The following GALK2 variants were observed in gnomAD, a reference collection of about 807,000 sequenced individuals.
GALK2 encodes N-acetylgalactosamine kinase.
GALK2 carries 36 observed loss-of-function variants against 52.4 expected under a neutral mutation model. That is an observed-to-expected ratio of 0.69 (90% CI 0.53 to 0.91). The LOEUF is 0.91. Among genes scored for constraint, GALK2 ranks in the 40% least tolerant of loss-of-function variants. GALK2 has a pLI of 0.00. For synonymous variants in GALK2, 176 were observed against 199.1 expected (o/e 0.88, Z 0.98); for missense variants, 579 against 559.1 (o/e 1.04, Z -0.36).
intron 5 of GALK2, among the ~76,000 whole-genome samples, chr15:49,279,719 C>G (rs1010039457): frequency 6.6e-6 from 1 of 152,176 alleles, no homozygotes; most frequent in Non-Finnish European, 1.5e-5. Context: ...CCCAGGGTCA[C>G]AGTTAGTTGG....
intron 1 of GALK2, among the ~76,000 whole-genome samples, chr15:49,188,851 G>A (rs918908826): frequency 3.3e-5 from 5 of 152,108 alleles, no homozygotes; most frequent in African/African-American, 1.2e-4. Context: ...CCTGAATTGG[G>A]CAGCATGTAA....
At chr15:49,296,415 T>G (rs1054470547) in intron 8 of GALK2, among the ~76,000 whole-genome samples, 1 of 152,210 alleles carries the variant, frequency 6.6e-6, no homozygotes, top group Admixed American at 6.5e-5. Context: ...TTTAGGATAA[T>G]GTCCCTCAGC....
chr15:49,201,322 T>A (rs1566931812), intron 2 of GALK2, 72 bp downstream of exon 2: 9 of 798,380 alleles, frequency 1.1e-5, no homozygotes, highest in Non-Finnish European at 1.4e-5. Flanking sequence ...AAAAATATAT[T>A]TCTTTCTTAA....
chr15:49,198,226 G>T (rs539330638), intron 1 of GALK2, among the ~76,000 whole-genome samples: 4 of 152,250 alleles, frequency 2.6e-5, no homozygotes, highest in African/African-American at 9.6e-5. Context: ...CCAGGCTGGA[G>T]TGCAATGGCG....
chr15:49,210,927 A>G (rs1287723746), intron 2 of GALK2, among the ~76,000 whole-genome samples: 4 of 146,294 alleles, frequency 2.7e-5, no homozygotes, highest in African/African-American at 1.0e-4. Flanking sequence ...TTGTATTTTT[A>G]CTAGAGACGG....
rs533353269 is a variant in GALK2, at chr15:49,239,474, A to C, written c.504+107A>C. 9 of 1,035,438 alleles carry C rather than the reference A, an allele frequency of 8.7e-6. No individual in the cohort carries two copies. In the East Asian group the frequency reaches 2.0e-4, roughly 23 times the overall value. 64.1% of individuals were successfully genotyped at this position (1,035,438 alleles called of 1,614,324 possible). On this transcript the variant is annotated intron_variant, in intron 5 of 9. Coordinates refer to ENST00000560031, the MANE Select transcript of GALK2 (RefSeq NM_002044.4). ...TTGATTGAAAAACTGTCTTCTCTAA[A>C]AGGACTGCACATGTGGGCAAGCATT... is the stretch of plus-strand genomic sequence containing the variant.
chr15:49,367,535 A>G (rs2045405622), exon 4 of GALK2: 1 of 1,607,880 alleles, frequency 6.2e-7, no homozygotes, highest in African/African-American at 1.3e-5. Flanking sequence ...AAGATAATAT[A>G]AAATCAATGG....
At chr15:49,204,898 T>A (rs926873881) in intron 2 of GALK2, among the ~76,000 whole-genome samples, 1 of 152,196 alleles carries the variant, frequency 6.6e-6, no homozygotes, top group African/African-American at 2.4e-5. Context: ...CTAATTCTTA[T>A]GCTTTTGCAT....
intron 3 of GALK2, among the ~76,000 whole-genome samples, chr15:49,356,327 T>A (rs1567139230): frequency 6.6e-6 from 1 of 150,380 alleles, no homozygotes; most frequent in African/African-American, 2.4e-5. Flanking sequence ...GTGTGCTGTA[T>A]TCAGGAAACC....
At chr15:49,206,639 C>T (rs1331997407) in intron 2 of GALK2, among the ~76,000 whole-genome samples, 2 of 151,862 alleles carry the variant, frequency 1.3e-5, no homozygotes, top group African/African-American at 4.8e-5. Flanking sequence ...ATTTGATTCT[C>T]TGGTCGCTGT....
intron 5 of GALK2, among the ~76,000 whole-genome samples, chr15:49,244,948 T>A (rs1259654003): frequency 1.3e-5 from 2 of 151,738 alleles, no homozygotes; most frequent in Non-Finnish European, 2.9e-5. Flanking sequence ...ATGACAAAGC[T>A]CAGCTAGATA....
chr15:49,180,486 C>A (rs1397551133), intron 1 of GALK2, among the ~76,000 whole-genome samples: 1 of 152,174 alleles, frequency 6.6e-6, no homozygotes, highest in East Asian at 1.9e-4. Context: ...TTACAATGAA[C>A]TGCTATTAGA....
chr15:49,327,092 T>C (rs1354059056), intron 9 of GALK2: 1 of 152,224 alleles, frequency 6.6e-6, no homozygotes, highest in African/African-American at 2.4e-5. Context: ...AAGTGATCTG[T>C]GTACATTGTG....
chr15:49,219,490 GA>G (rs936265385), intron 3 of GALK2, among the ~76,000 whole-genome samples: 4 of 152,162 alleles, frequency 2.6e-5, no homozygotes, highest in African/African-American at 9.7e-5. Flanking sequence ...TCAGCAGCAT[GA>G]AAATGAACTA....
chr15:49,335,296 T>C (rs192503315), downstream of GALK2: 184 of 632,996 alleles, frequency 2.9e-4, 1 homozygote, highest in East Asian at 4.1e-3. Flanking sequence ...TCTCTGAGTC[T>C]ATAAGATGCT....
chr15:49,205,088 T>C (rs112969580), intron 2 of GALK2, among the ~76,000 whole-genome samples: 9,196 of 152,252 alleles, frequency 0.06, 556 homozygotes, highest in African/African-American at 0.15. Context: ...TTTCTTTATC[T>C]ACTTGTTGAT....
At chr15:49,277,990 C>T (rs1382914974) in intron 5 of GALK2, among the ~76,000 whole-genome samples, 1 of 151,838 alleles carries the variant, frequency 6.6e-6, no homozygotes, top group African/African-American at 2.4e-5. Flanking sequence ...GGGCTGGGTG[C>T]GGTGGCTCAC....
At chr15:49,205,439 G>A (rs995278352) in intron 2 of GALK2, among the ~76,000 whole-genome samples, 2 of 152,138 alleles carry the variant, frequency 1.3e-5, no homozygotes, top group Non-Finnish European at 2.9e-5. Context: ...GAGTGAGGTG[G>A]TATCACATTG....
chr15:49,282,554 T>C (rs547950485), intron 6 of GALK2, among the ~76,000 whole-genome samples: 1 of 152,160 alleles, frequency 6.6e-6, no homozygotes, highest in Non-Finnish European at 1.5e-5. Context: ...CCTGTCAACA[T>C]TTTTGGGGCT....
Sources: allele counts gnomAD v4.1 joint callset (sites outside exome capture counted in the v4.1 genomes callset), GRCh38; gene constraint gnomAD v4.1.1; transcripts MANE v1.5; gene names NCBI Gene and HGNC (gene_info 2026-07-23, HGNC 2026-07-21).